IKZF3: variants seen among roughly 807,000 people sequenced by gnomAD.
IKZF3 encodes zinc finger protein Aiolos.
A neutral mutation model predicts 49.0 loss-of-function variants in IKZF3; 10 were observed. The observed-to-expected ratio is 0.20, with a 90% confidence interval of 0.13 to 0.35. IKZF3 has a LOEUF of 0.35. Among genes scored for constraint, IKZF3 ranks in the 10% least tolerant of loss-of-function variants. The pLI is 1.00. For synonymous variants in IKZF3, 209 were observed against 228.2 expected (o/e 0.92, Z 0.76); for missense variants, 498 against 664.8 (o/e 0.75, Z 2.76).
At chr17:39,803,344 C>A (rs760520263) in intron 3 of IKZF3, among the ~76,000 whole-genome samples, 96 of 152,008 alleles carry the variant, frequency 6.3e-4, no homozygotes, top group Non-Finnish European at 1.2e-3. Context: ...ATAACTGCTA[C>A]CCATCAAAAA....
chr17:39,792,704 A>G lies in IKZF3; in HGVS notation c.393T>C (p.Asn131=). ...GGCTTCGCTTATGAACCATTAAGAC[A>G]TTGAAGCTGATGCAGGATAATCCAC... ...DVCGLSCISF[N]VLMVHKRSHT... The change falls in exon 4 of 8, where the codon AAT becomes AAC. Residue 131 remains asparagine (N), a synonymous_variant. Coordinates refer to ENST00000346872, the MANE Select transcript of IKZF3 (RefSeq NM_012481.5). The G allele has an allele frequency of 6.2e-7, 1 of 1,614,174 alleles. No individual in the cohort carries two copies. The highest frequency in any genetic ancestry group is 8.5e-7 in the Non-Finnish European group (1 of 1,180,004).
At chr17:39,800,381 T>G (rs1262002270) in intron 3 of IKZF3, among the ~76,000 whole-genome samples, 3 of 152,184 alleles carry the variant, frequency 2.0e-5, no homozygotes, top group African/African-American at 4.8e-5. Flanking sequence ...TGCCTTTTTG[T>G]ACATATGATC....
chr17:39,793,011 CA>C, intron 3 of IKZF3, 78 bp from the exon 4 acceptor site: 1 of 1,394,984 alleles, frequency 7.2e-7, no homozygotes, highest in Non-Finnish European at 9.9e-7. Flanking sequence ...CAGAGACCCA[CA>C]ACTGACAATT....
At chr17:39,792,648 AG>A in intron 4 of IKZF3, 24 bp downstream of exon 4, 2 of 1,597,364 alleles carry the variant, frequency 1.3e-6, no homozygotes. Flanking sequence ...AGTTTTCAGA[AG>A]AATGAAAAAA....
intron 3 of IKZF3, among the ~76,000 whole-genome samples, chr17:39,796,429 A>C (rs570146819): frequency 1.3e-5 from 2 of 151,732 alleles, no homozygotes; most frequent in South Asian, 2.1e-4. Context: ...AGATCTATCA[A>C]CTCTATGTCT....
chr17:39,859,338 T>A (rs530647199), intron 1 of IKZF3, among the ~76,000 whole-genome samples: 153 of 151,582 alleles, frequency 1.0e-3, no homozygotes, highest in Non-Finnish European at 1.9e-3. Context: ...TATTGCATCT[T>A]TTTTTTAGTG....
chr17:39,842,907 T>G (rs1041089400), intron 1 of IKZF3, among the ~76,000 whole-genome samples: 7 of 152,198 alleles, frequency 4.6e-5, no homozygotes, highest in Admixed American at 4.6e-4. Flanking sequence ...AAAAATTATG[T>G]GCCTTCTGAT....
intron 1 of IKZF3, among the ~76,000 whole-genome samples, chr17:39,854,330 C>A (rs1490462437): frequency 6.7e-6 from 1 of 148,694 alleles, no homozygotes; most frequent in African/African-American, 2.5e-5. Flanking sequence ...AAAAAACAAG[C>A]AAGGAAATAA....
chr17:39,859,477 C>G (rs2063158235), intron 1 of IKZF3, among the ~76,000 whole-genome samples: 1 of 151,866 alleles, frequency 6.6e-6, no homozygotes, highest in Non-Finnish European at 1.5e-5. Flanking sequence ...TAGCCTCGAC[C>G]TCCCAGGCTC....
chr17:39,820,809 G>A (rs1014309600), intron 3 of IKZF3, among the ~76,000 whole-genome samples: 6 of 152,132 alleles, frequency 3.9e-5, no homozygotes, highest in African/African-American at 1.2e-4. Context: ...TAATTAGAGC[G>A]TTGGACCTTT....
chr17:39,852,985 A>G (rs905839451), intron 1 of IKZF3, among the ~76,000 whole-genome samples: 1 of 152,090 alleles, frequency 6.6e-6, no homozygotes, highest in African/African-American at 2.4e-5. Flanking sequence ...AAAACAAAAT[A>G]TCATCCATGT....
chr17:39,850,945 ATT>A, intron 1 of IKZF3, among the ~76,000 whole-genome samples: 1 of 119,164 alleles, frequency 8.4e-6, no homozygotes, highest in African/African-American at 4.2e-5. Flanking sequence ...ACGTGTATAT[ATT>A]ATATACACGT....
chr17:39,796,547 T>C (rs533329421), intron 3 of IKZF3, among the ~76,000 whole-genome samples: 1 of 150,416 alleles, frequency 6.6e-6, no homozygotes, highest in South Asian at 2.1e-4. Context: ...CCTTTCTTTT[T>C]TTTTTTTTTT....
At chr17:39,854,074 C>G (rs1189174743) in intron 1 of IKZF3, among the ~76,000 whole-genome samples, 1 of 152,010 alleles carries the variant, frequency 6.6e-6, no homozygotes, top group Non-Finnish European at 1.5e-5. Context: ...TGCAGTGAGC[C>G]GAGATCACGC....
At chr17:39,773,774 T>G (rs1329855723) in intron 7 of IKZF3, among the ~76,000 whole-genome samples, 1 of 152,188 alleles carries the variant, frequency 6.6e-6, no homozygotes, top group East Asian at 1.9e-4. Flanking sequence ...GAGGATGGCC[T>G]AGTTTGAAGT....
chr17:39,828,350 T>G (rs557921064), intron 3 of IKZF3, among the ~76,000 whole-genome samples: 10 of 152,168 alleles, frequency 6.6e-5, no homozygotes, highest in African/African-American at 1.4e-4. Context: ...GAGGGAGAGG[T>G]GCTTGCTAGA....
intron 1 of IKZF3, chr17:39,836,014 C>T (rs1568041375): frequency 3.1e-6 from 2 of 636,044 alleles, no homozygotes; most frequent in African/African-American, 3.7e-5. Context: ...CTGCTCCAAG[C>T]TGTCTTCTGC....
intron 1 of IKZF3, among the ~76,000 whole-genome samples, chr17:39,858,063 T>C (rs16965367): frequency 0.093 from 14,143 of 151,792 alleles, 1,351 homozygotes; most frequent in African/African-American, 0.25. Context: ...AACAAGAAAC[T>C]TAGTTGCATA....
chr17:39,781,524 G>T (rs753145684), intron 6 of IKZF3, among the ~76,000 whole-genome samples: 3 of 152,138 alleles, frequency 2.0e-5, no homozygotes, highest in Non-Finnish European at 4.4e-5. Context: ...TTAGTCTATT[G>T]TGGTCCCTCC....
Sources: gnomAD v4.1 joint callset for allele counts (sites outside exome capture counted in the v4.1 genomes callset) on GRCh38, gnomAD v4.1.1 for gene constraint, MANE v1.5 for transcripts, NCBI Gene and HGNC (gene_info 2026-07-23, HGNC 2026-07-21) for gene names.